The following LDB2 variants were observed in gnomAD, a reference collection of about 807,000 sequenced individuals.
LDB2 encodes LIM domain binding 2, also known as LIM domain-binding protein 2.
In LDB2, 12 loss-of-function variants were observed where a neutral mutation model predicts 44.3. That is an observed-to-expected ratio of 0.27 (90% CI 0.17 to 0.44). LDB2 has a LOEUF of 0.44. Ranked by LOEUF, LDB2 falls within the 20% of genes least tolerant of loss-of-function variation. The pLI is 1.00. For synonymous variants in LDB2, 164 were observed against 174.8 expected, an observed-to-expected ratio of 0.94 and a Z score of 0.49; for missense variants, 344 against 473.5, an observed-to-expected ratio of 0.73 and a Z score of 2.54.
At chr4:16,535,755 G>A (rs1008539828) in intron 5 of LDB2, among the ~76,000 whole-genome samples, 1 of 152,132 alleles carries the variant, frequency 6.6e-6, no homozygotes, top group Non-Finnish European at 1.5e-5. Context: ...GCCCTATACT[G>A]GGCAATTCCA....
In LDB2 at chr4:16,581,921, GAAGA is replaced by G. The variant is rs139439963; in HGVS notation, c.615+3997_615+4000del. ...AAAAAAAAAAGAAAGACGAAGGAAA[GAAGA>G]AAGAAAGAAAGAAAGGAAGGGAGGG... On this transcript the variant is annotated intron_variant, in intron 5 of 7. Coordinates refer to ENST00000304523, the MANE Select transcript of LDB2 (RefSeq NM_001290.5). Among the ~76,000 whole-genome samples, 1,251 of 145,354 alleles carry G rather than the reference GAAGA, an allele frequency of 8.6e-3. 24 individuals are homozygous for G. The highest frequency in any genetic ancestry group is 0.03 in the African/African-American group (1,154 of 38,930).
chr4:16,684,408 CATA>C (rs927548818), intron 2 of LDB2, among the ~76,000 whole-genome samples: 4 of 152,180 alleles, frequency 2.6e-5, no homozygotes, highest in African/African-American at 4.8e-5. Flanking sequence ...TCTGTCCAAT[CATA>C]ATAAGAACTA....
intron 1 of LDB2, among the ~76,000 whole-genome samples, chr4:16,894,258 T>C (rs1203454921): frequency 6.6e-6 from 1 of 152,136 alleles, no homozygotes; most frequent in Non-Finnish European, 1.5e-5. Context: ...TTGGAAGACA[T>C]TGGGTCAATT....
chr4:16,750,147 A>G (rs1387366153), intron 2 of LDB2, among the ~76,000 whole-genome samples: 1 of 152,234 alleles, frequency 6.6e-6, no homozygotes, highest in Non-Finnish European at 1.5e-5. Context: ...AGAGCACCTG[A>G]AATCATCTCT....
chr4:16,679,500 C>G (rs1466029773), intron 2 of LDB2, among the ~76,000 whole-genome samples: 1 of 152,172 alleles, frequency 6.6e-6, no homozygotes, highest in Non-Finnish European at 1.5e-5. Flanking sequence ...GAAGTGGGTA[C>G]TACTGTTGTT....
At chr4:16,739,919 A>G (rs1762897687) in intron 2 of LDB2, among the ~76,000 whole-genome samples, 2 of 151,358 alleles carry the variant, frequency 1.3e-5, no homozygotes, top group South Asian at 2.1e-4. Flanking sequence ...TAAAGCAACT[A>G]TTTTTAATGA....
chr4:16,523,990 C>T (rs1343045961), intron 5 of LDB2, among the ~76,000 whole-genome samples: 1 of 152,068 alleles, frequency 6.6e-6, no homozygotes, highest in Non-Finnish European at 1.5e-5. Context: ...AATTAGAGGG[C>T]TGGGCTGTAT....
chr4:16,879,120 C>T (rs777896256), intron 1 of LDB2, among the ~76,000 whole-genome samples: 2 of 152,140 alleles, frequency 1.3e-5, no homozygotes, highest in Non-Finnish European at 2.9e-5. Context: ...CCTGGCTCTG[C>T]TTGATATAGA....
intron 2 of LDB2, among the ~76,000 whole-genome samples, chr4:16,742,775 T>C (rs1418765414): frequency 6.6e-6 from 1 of 152,008 alleles, no homozygotes; most frequent in African/African-American, 2.4e-5. Context: ...AACCACAGAG[T>C]AGCAAGTTCT....
rs540528754 is a variant in LDB2, at chr4:16,558,080, A to G, written c.615+27842T>C. 3.8e-4 allele frequency among the ~76,000 whole-genome samples: 58 copies of G among 152,268 alleles called. 1 individual carries two copies. In the East Asian group the frequency reaches 0.01, roughly 27 times the overall value. On this transcript the variant is annotated intron_variant, in intron 5 of 7. Coordinates refer to ENST00000304523, the MANE Select transcript of LDB2 (RefSeq NM_001290.5). ...AACCCATCTGTACATCACCATCATC[A>G]AAGACCAAAAGTAGATAAAACCACA...
At chr4:16,651,642 C>T (rs1348296367) in intron 2 of LDB2, among the ~76,000 whole-genome samples, 3 of 151,890 alleles carry the variant, frequency 2.0e-5, no homozygotes, top group African/African-American at 7.3e-5. Context: ...GAGTTTTACC[C>T]CAAATCATGG....
intron 2 of LDB2, among the ~76,000 whole-genome samples, chr4:16,632,691 A>T (rs1159180034): frequency 1.3e-5 from 2 of 152,236 alleles, no homozygotes; most frequent in Admixed American, 6.5e-5. Flanking sequence ...CCATCCTCTC[A>T]GCCCAAAATC....
intron 1 of LDB2, among the ~76,000 whole-genome samples, chr4:16,883,419 A>C (rs1720748982): frequency 6.6e-6 from 1 of 152,234 alleles, no homozygotes; most frequent in Non-Finnish European, 1.5e-5. Context: ...AGGTACGAGA[A>C]AGATTCAAGA....
At chr4:16,612,745 G>T (rs908252683) in intron 2 of LDB2, among the ~76,000 whole-genome samples, 1 of 152,130 alleles carries the variant, frequency 6.6e-6, no homozygotes, top group Non-Finnish European at 1.5e-5. Flanking sequence ...AGGACCGGAC[G>T]GATTCACAGC....
At chr4:16,567,541 C>A (rs1442508730) in intron 5 of LDB2, among the ~76,000 whole-genome samples, 1 of 152,092 alleles carries the variant, frequency 6.6e-6, no homozygotes, top group East Asian at 1.9e-4. Context: ...GAGGCCGAGG[C>A]GGGCGGATCA....
intron 1 of LDB2, among the ~76,000 whole-genome samples, chr4:16,765,313 G>A (rs187270482): frequency 1.1e-4 from 17 of 152,324 alleles, no homozygotes; most frequent in African/African-American, 3.6e-4. Flanking sequence ...AGCAGCTCAC[G>A]TGTCAGGGTT....
At chr4:16,852,707 A>T (rs922646128) in intron 1 of LDB2, among the ~76,000 whole-genome samples, 2 of 152,176 alleles carry the variant, frequency 1.3e-5, no homozygotes, top group Non-Finnish European at 2.9e-5. Context: ...TTTGTTTTAA[A>T]TCCCTTAAAT....
chr4:16,566,453 A>G (rs1744552172), intron 5 of LDB2, among the ~76,000 whole-genome samples: 1 of 152,000 alleles, frequency 6.6e-6, no homozygotes, highest in South Asian at 2.1e-4. Context: ...GTATCAGTCA[A>G]TGAATAGTGT....
chr4:16,894,928 G>C (rs1032611759), intron 1 of LDB2, among the ~76,000 whole-genome samples: 11 of 151,244 alleles, frequency 7.3e-5, no homozygotes, highest in African/African-American at 1.2e-4. Context: ...GTGTAATATT[G>C]ATAAAAGAAA....
Sources: allele counts gnomAD v4.1 joint callset (sites outside exome capture counted in the v4.1 genomes callset), GRCh38; gene constraint gnomAD v4.1.1; transcripts MANE v1.5; gene names NCBI Gene and HGNC (gene_info 2026-07-23, HGNC 2026-07-21).